Variants in OPN3 observed in about 807,000 individuals in gnomAD.
The protein encoded by OPN3 is opsin 3.
A neutral mutation model predicts 33.8 loss-of-function variants in OPN3; 29 were observed. The observed-to-expected ratio is 0.86, with a 90% CI of 0.64 to 1.17. OPN3 has a LOEUF of 1.17. Ranked by LOEUF, OPN3 falls within the 50% of genes most tolerant of loss-of-function variation. The probability of loss-of-function intolerance (pLI) is 0.00; values close to 1 mark genes in which losing one functional copy is unlikely to be tolerated. For missense variants in OPN3, 437 were observed against 514.1 expected, an observed-to-expected ratio of 0.85 and a Z score of 1.45; for synonymous variants, 216 against 216.1, an observed-to-expected ratio of 1.00 and a Z score of 0.00.
rs1663387301 is a variant in OPN3, at chr1:241,593,335, GTT to G, written c.*1091_*1092del. On this transcript the variant is annotated 3_prime_UTR_variant, in exon 4 of 4. Coordinates refer to ENST00000366554, the MANE Select transcript of OPN3 (RefSeq NM_014322.3). ...TTTTTAAAAGCACATTTAGTGAAAT[GTT>G]TTCTTTGGTTCATCCTTCTTTAACA... The G allele has an allele frequency of 2.3e-6, 1 of 426,100 alleles. No homozygotes were observed. The highest frequency in any genetic ancestry group is 2.0e-5 in the African/African-American group (1 of 49,674). The allele number at this position is 426,100 out of a possible 1,614,324, so 26.4% of individuals were successfully genotyped here. A position where few individuals can be genotyped will look rare whatever the true frequency, so the allele number is the denominator to read the frequency against.
intron 2 of OPN3, among the ~76,000 whole-genome samples, chr1:241,599,683 G>GA (rs1372624198): frequency 6.6e-6 from 1 of 152,066 alleles, no homozygotes; most frequent in African/African-American, 2.4e-5. Context: ...TTTGATAAAA[G>GA]GTCTAGATTT....
In OPN3 at chr1:241,639,882, C is replaced by A. The variant is rs770863440; in HGVS notation, c.373G>T (p.Gly125Trp). 1.3e-6 allele frequency: 2 copies of A among 1,566,976 alleles called. No individual in the cohort carries two copies. The highest frequency in any genetic ancestry group is 1.4e-5 in the African/African-American group (1 of 72,854). The change falls in exon 1 of 4, where the codon GGG (glycine) becomes TGG (tryptophan). Residue 125 changes from glycine (G) to tryptophan (W), a missense_variant and splice_region_variant. Coordinates refer to ENST00000366554, the MANE Select transcript of OPN3 (RefSeq NM_014322.3). ...GCTGCCTTCTCCCAGTCCAACTCAC[C>A]GAAGAGGCTGCCGCTAAACCCGTCC... Reference protein sequence around the residue: ...VWDGFSGSLFGIVSIATLTVL... With the variant: ...VWDGFSGSLFWIVSIATLTVL...
At chr1:241,612,790 T>C (rs1047788143) in intron 1 of OPN3, among the ~76,000 whole-genome samples, 7 of 152,210 alleles carry the variant, frequency 4.6e-5, no homozygotes, top group Non-Finnish European at 1.0e-4. Flanking sequence ...AGAAGCTGAC[T>C]CACCAAAGAA....
In OPN3 at chr1:241,593,406, G is replaced by T. The variant is rs371271799; in HGVS notation, c.*1022C>A. 1 of 427,958 alleles carries T rather than the reference G, an allele frequency of 2.3e-6. No homozygotes were observed. Among genetic ancestry groups the T allele is most frequent in the Non-Finnish European group, 5.1e-6 (1 of 195,240 alleles). 26.5% of individuals were successfully genotyped at this position (427,958 alleles called of 1,614,324 possible). ...AAATCCTTCAAACATGATTAATTATGAAGATGAAACACTAGAGTCATATAA... is the reference window on the plus strand; with the variant it reads ...AAATCCTTCAAACATGATTAATTATTAAGATGAAACACTAGAGTCATATAA... On this transcript the variant is annotated 3_prime_UTR_variant, in exon 4 of 4. Transcript: ENST00000366554.
At chr1:241,601,708 AAAAAC>A (rs533116633) in intron 2 of OPN3, among the ~76,000 whole-genome samples, 1 of 152,126 alleles carries the variant, frequency 6.6e-6, no homozygotes, top group South Asian at 2.1e-4. Context: ...CTTCGTCTCA[AAAAAC>A]AAAACAAAAC....
At chr1:241,626,132 A>G (rs1189287211) in intron 1 of OPN3, among the ~76,000 whole-genome samples, 1 of 152,228 alleles carries the variant, frequency 6.6e-6, no homozygotes, top group East Asian at 1.9e-4. Flanking sequence ...ATCTGTACTA[A>G]TAATACAAGA....
Position 241,604,421 on chromosome 1 carries a change from T to C in OPN3, c.532A>G (p.Arg178Gly), listed in dbSNP as rs1358616871. 2 of 1,614,208 alleles carry C rather than the reference T, an allele frequency of 1.2e-6. No individual in the cohort carries two copies. Among genetic ancestry groups the C allele is most frequent in the East Asian group, 2.2e-5 (1 of 44,860 alleles). Residue 178 changes from arginine to glycine, a missense_variant, in exon 2 of 4, where the codon AGG (arginine) becomes GGG (glycine). Transcript: ENST00000366554. The part of the protein sequence containing the change: ...WAGAPLLGWN[R>G]YILDVHGLGC... ...AGTCCGTGTACGTCCAGGATGTACCTGTTCCATCCCAGGAGAGGTGCTCCT... is the reference window on the plus strand; with the variant it reads ...AGTCCGTGTACGTCCAGGATGTACCCGTTCCATCCCAGGAGAGGTGCTCCT...
chr1:241,604,254 A>C lies in OPN3; in HGVS notation c.693+6T>G. 6.2e-7 allele frequency: 1 copy of C among 1,612,298 alleles called. No homozygotes were observed. The highest frequency in any genetic ancestry group is 8.5e-7 in the Non-Finnish European group (1 of 1,178,810). The stretch of plus-strand genomic sequence containing the variant: ...GGGAGGGGGGCATCTGTAGTCTTCA[A>C]CTCACCATTCGAATGGAATATAGAA... On this transcript the variant is annotated splice_donor_region_variant and intron_variant, in intron 2 of 3. Transcript: ENST00000366554.
rs1340872710 is a variant in OPN3 at position 241,597,968 on chromosome 1, A to G, written c.723T>C (p.Ile241=). The change falls in exon 3 of 4, where the codon ATT becomes ATC. Residue 241 remains isoleucine, a synonymous_variant. Transcript: ENST00000366554. ...CATATTTTAAAATCTTGATCACTTG[A>G]ATTGTCTGAAGATCTTCCACACAAC... The part of the protein sequence containing the change: ...MLRCVEDLQT[I]QVIKILKYEK... The G allele has an allele frequency of 6.2e-7, 1 of 1,613,832 alleles. No individual in the cohort carries two copies. The highest frequency in any genetic ancestry group is 8.5e-7 in the Non-Finnish European group (1 of 1,179,940).
At chr1:241,621,847 C>G (rs1464703433) in intron 1 of OPN3, among the ~76,000 whole-genome samples, 1 of 152,092 alleles carries the variant, frequency 6.6e-6, no homozygotes, top group African/African-American at 2.4e-5. Context: ...AACTGATTTT[C>G]GCAGGGATGT....
chr1:241,615,045 C>CA (rs1411135355), intron 1 of OPN3, among the ~76,000 whole-genome samples: 1 of 151,632 alleles, frequency 6.6e-6, no homozygotes, highest in Non-Finnish European at 1.5e-5. Context: ...GTTAACAATG[C>CA]AAAAAAGGAT....
intron 1 of OPN3, chr1:241,635,547 C>T (rs758329655): frequency 6.2e-7 from 1 of 1,614,060 alleles, no homozygotes; most frequent in South Asian, 1.1e-5. Context: ...TGCCATACAA[C>T]AGTACTTTCT....
At chr1:241,614,849 AG>A (rs1292651867) in intron 1 of OPN3, among the ~76,000 whole-genome samples, 1 of 152,238 alleles carries the variant, frequency 6.6e-6, no homozygotes, top group Non-Finnish European at 1.5e-5. Context: ...CAGATATCCT[AG>A]CCTTAGACTT....
intron 1 of OPN3, chr1:241,629,675 G>T (rs940481570): frequency 6.6e-6 from 1 of 151,986 alleles, no homozygotes; most frequent in Non-Finnish European, 1.5e-5. Flanking sequence ...ACCACTATTG[G>T]TGTGAGACTT....
chr1:241,618,561 T>C (rs1664195448), intron 1 of OPN3, among the ~76,000 whole-genome samples: 1 of 152,186 alleles, frequency 6.6e-6, no homozygotes, highest in African/African-American at 2.4e-5. Flanking sequence ...CTCTGAAGCC[T>C]TCAGTCTCAA....
chr1:241,594,510 G>T lies in OPN3; in HGVS notation c.1127C>A (p.Thr376Asn). 2.5e-6 allele frequency: 4 copies of T among 1,614,012 alleles called. No individual in the cohort carries two copies. The highest frequency in any genetic ancestry group is 3.4e-6 in the Non-Finnish European group (4 of 1,179,910). ...FNSSSIIFIITSDESLSVDDS... is the reference protein window; with the variant it reads ...FNSSSIIFIINSDESLSVDDS... ...GTCAACTGACAGTGATTCATCACTG[G>T]TGATGATAAAAATGATGGAAGAAGA... Residue 376 changes from threonine to asparagine, a missense_variant, in exon 4 of 4, where the codon ACC becomes AAC. Transcript: ENST00000366554.
intron 1 of OPN3, chr1:241,628,802 T>C (rs911183372): frequency 2.0e-5 from 3 of 152,276 alleles, no homozygotes; most frequent in Non-Finnish European, 4.4e-5. Context: ...TATTTTAATT[T>C]AAAATAGAAT....
intron 3 of OPN3, among the ~76,000 whole-genome samples, chr1:241,596,705 A>G (rs893256262): frequency 6.6e-6 from 1 of 152,230 alleles, no homozygotes; most frequent in African/African-American, 2.4e-5. Context: ...CATTATCTTT[A>G]ACTTTTAAAT....
At chr1:241,607,856 A>C (rs752220202) in intron 1 of OPN3, among the ~76,000 whole-genome samples, 1 of 152,198 alleles carries the variant, frequency 6.6e-6, no homozygotes, top group African/African-American at 2.4e-5. Context: ...TAATGGATTT[A>C]ATTCAAATCA....
Sources: gnomAD v4.1 joint callset for allele counts (sites outside exome capture counted in the v4.1 genomes callset) on GRCh38, gnomAD v4.1.1 for gene constraint, MANE v1.5 for transcripts, NCBI Gene and HGNC (gene_info 2026-07-23, HGNC 2026-07-21) for gene names.